SCD5: variants seen among roughly 807,000 people sequenced by gnomAD.
SCD5 encodes the protein acyl-CoA-desaturase 4.
A neutral mutation model predicts 30.4 loss-of-function variants in SCD5; 20 were observed. That is an observed-to-expected ratio of 0.66 (90% confidence interval 0.46 to 0.96). The LOEUF is 0.96. SCD5 is among the 40% of genes least tolerant of loss of function. The probability of loss-of-function intolerance (pLI) is 0.00; values close to 1 mark genes in which losing one functional copy is unlikely to be tolerated. For missense variants in SCD5, 381 were observed against 443.3 expected, an observed-to-expected ratio of 0.86 and a Z score of 1.26; for synonymous variants, 173 against 176.4, an observed-to-expected ratio of 0.98 and a Z score of 0.16.
At chr4:82,741,973 A>C (rs1230172717) in intron 1 of SCD5, among the ~76,000 whole-genome samples, 2 of 151,462 alleles carry the variant, frequency 1.3e-5, no homozygotes, top group African/African-American at 4.9e-5. Context: ...CCAGCGACTC[A>C]GGAGGCTGAG....
chr4:82,780,153 T>G (rs1452267718), intron 1 of SCD5, among the ~76,000 whole-genome samples: 3 of 152,238 alleles, frequency 2.0e-5, no homozygotes, highest in Non-Finnish European at 4.4e-5. Context: ...TGCACAGTTC[T>G]ACATTCCATG....
Position 82,754,606 on chromosome 4 carries a change from C to T in SCD5, c.232+43700G>A, listed in dbSNP as rs566367640. 4.1e-4 allele frequency among the ~76,000 whole-genome samples: 63 copies of T among 152,046 alleles called. 1 individual carries two copies. Among genetic ancestry groups the T allele is most frequent in the African/African-American group, 1.5e-3 (62 of 41,462 alleles). ...CTGCTATTTACAATTTCCATTCAGGCAATCTTCACATTTTGGAATGGCATT... is the reference window on the plus strand; with the variant it reads ...CTGCTATTTACAATTTCCATTCAGGTAATCTTCACATTTTGGAATGGCATT... On this transcript the variant is annotated intron_variant, in intron 1 of 4. Coordinates refer to ENST00000319540, the MANE Select transcript of SCD5 (RefSeq NM_001037582.3).
At chr4:82,739,629 CAT>C (rs1327071702) in intron 1 of SCD5, among the ~76,000 whole-genome samples, 2 of 152,208 alleles carry the variant, frequency 1.3e-5, no homozygotes, top group Admixed American at 1.3e-4. Flanking sequence ...TATCTATTGC[CAT>C]GTGTGTGCTG....
chr4:82,746,964 G>T (rs962984260), intron 1 of SCD5, among the ~76,000 whole-genome samples: 1 of 98,896 alleles, frequency 1.0e-5, no homozygotes, highest in Non-Finnish European at 2.5e-5. Context: ...GCGTCAGGGG[G>T]AGAGGAGGAA....
At chr4:82,735,610 C>T (rs1039741943) in intron 1 of SCD5, among the ~76,000 whole-genome samples, 10 of 152,316 alleles carry the variant, frequency 6.6e-5, no homozygotes, top group African/African-American at 2.4e-4. Flanking sequence ...GAAGGGGGGG[C>T]TCCTGACAAT....
intron 3 of SCD5, among the ~76,000 whole-genome samples, chr4:82,650,968 T>C (rs980171082): frequency 6.6e-6 from 1 of 152,036 alleles, no homozygotes; most frequent in Non-Finnish European, 1.5e-5. Flanking sequence ...ACTGTATTTT[T>C]CAATGCAACA....
chr4:82,796,156 A>G (rs865842760), intron 1 of SCD5, among the ~76,000 whole-genome samples: 70 of 151,606 alleles, frequency 4.6e-4, no homozygotes, highest in African/African-American at 1.4e-3. Context: ...TGTAATCCCA[A>G]CTACTTGGGA....
At chr4:82,666,514 C>CAAAA (rs1357583806) in intron 3 of SCD5, among the ~76,000 whole-genome samples, 9 of 140,218 alleles carry the variant, frequency 6.4e-5, no homozygotes, top group South Asian at 2.2e-4. Flanking sequence ...GACTCCGTCT[C>CAAAA]AAAAAAAAAA....
At chr4:82,636,534 AG>A in intron 4 of SCD5, 56 bp downstream of exon 4, 2 of 1,354,338 alleles carry the variant, frequency 1.5e-6, no homozygotes, top group Non-Finnish European at 2.1e-6. Context: ...AACTACTGAG[AG>A]GCCAAGAAAA....
intron 1 of SCD5, among the ~76,000 whole-genome samples, chr4:82,795,227 A>G (rs901031738): frequency 6.6e-6 from 1 of 152,056 alleles, no homozygotes; most frequent in African/African-American, 2.4e-5. Context: ...TTCCAGCACA[A>G]CCTCATCTGG....
chr4:82,713,148 C>T (rs1237652247), intron 1 of SCD5, among the ~76,000 whole-genome samples: 1 of 152,136 alleles, frequency 6.6e-6, no homozygotes, highest in African/African-American at 2.4e-5. Flanking sequence ...TAAGCAACTG[C>T]CCACATCTAG....
At chr4:82,740,360 G>A (rs1332268619) in intron 1 of SCD5, among the ~76,000 whole-genome samples, 1 of 152,202 alleles carries the variant, frequency 6.6e-6, no homozygotes, top group African/African-American at 2.4e-5. Flanking sequence ...GGGGAGAAAG[G>A]ATGGGAGTGC....
chr4:82,791,454 C>T (rs573774859), intron 1 of SCD5, among the ~76,000 whole-genome samples: 2 of 151,706 alleles, frequency 1.3e-5, no homozygotes, highest in African/African-American at 4.8e-5. Context: ...ACCAGGGCTT[C>T]CTGATAACCA....
intron 2 of SCD5, among the ~76,000 whole-genome samples, chr4:82,694,073 G>A (rs1719633922): frequency 6.6e-6 from 1 of 152,224 alleles, no homozygotes; most frequent in South Asian, 2.1e-4. Flanking sequence ...AACCTCCAGA[G>A]CATGGGCAGC....
chr4:82,658,617 CT>C (rs1452768150), intron 3 of SCD5, among the ~76,000 whole-genome samples: 3 of 139,834 alleles, frequency 2.1e-5, no homozygotes, highest in African/African-American at 8.1e-5. Flanking sequence ...CAAGTGTGTG[CT>C]ACCACACCTG....
chr4:82,723,663 C>T (rs907109448), intron 1 of SCD5, among the ~76,000 whole-genome samples: 3 of 152,198 alleles, frequency 2.0e-5, no homozygotes, highest in Non-Finnish European at 4.4e-5. Context: ...CACAGCATCA[C>T]CCTTCAGGCA....
chr4:82,664,672 T>C (rs1394430480), intron 3 of SCD5, among the ~76,000 whole-genome samples: 2 of 152,132 alleles, frequency 1.3e-5, no homozygotes, highest in Non-Finnish European at 2.9e-5. Context: ...GTGCCTTTGA[T>C]GGGTTCATTG....
intron 2 of SCD5, among the ~76,000 whole-genome samples, chr4:82,691,153 G>A (rs1326624588): frequency 6.6e-6 from 1 of 152,208 alleles, no homozygotes; most frequent in Non-Finnish European, 1.5e-5. Context: ...AGCCTCCCGA[G>A]TAGCTGGGAT....
At chr4:82,745,310 G>A (rs1301026463) in intron 1 of SCD5, among the ~76,000 whole-genome samples, 2 of 152,184 alleles carry the variant, frequency 1.3e-5, no homozygotes, top group Non-Finnish European at 2.9e-5. Context: ...TTCATGGGGA[G>A]ACTCAAAAGT....
Sources: gnomAD v4.1 joint callset for allele counts (sites outside exome capture counted in the v4.1 genomes callset) on GRCh38, gnomAD v4.1.1 for gene constraint, MANE v1.5 for transcripts, NCBI Gene and HGNC (gene_info 2026-07-23, HGNC 2026-07-21) for gene names.